Variants in COL18A1 observed in about 807,000 individuals in gnomAD.
COL18A1 encodes collagen type XVIII alpha 1 chain, also known as collagen alpha-1(XVIII) chain.
In COL18A1, 133 loss-of-function variants were observed where a neutral mutation model predicts 168.0. That is an observed-to-expected ratio of 0.79 (90% CI 0.69 to 0.91). The LOEUF is 0.91. Among genes scored for constraint, COL18A1 ranks in the 40% least tolerant of loss-of-function variants. The pLI, the probability that COL18A1 is intolerant of heterozygous loss-of-function variation, is 0.00. For missense variants in COL18A1, 2,126 were observed against 1,925.4 expected (o/e 1.10, Z -1.95); for synonymous variants, 949 against 809.0 (o/e 1.17, Z -2.94).
rs760707447 is a variant in COL18A1, at chr21:45,496,548, A to AC, written c.2558dup (p.Pro854SerfsTer10). 11 of 1,513,770 alleles carry AC rather than the reference A, an allele frequency of 7.3e-6. No homozygotes were observed. The highest frequency in any genetic ancestry group is 8.3e-6 in the Non-Finnish European group (9 of 1,089,726). The allele number at this position is 1,513,770 out of a possible 1,614,324, so 93.8% of individuals were successfully genotyped here. A position where few individuals can be genotyped will look rare whatever the true frequency, so the allele number is the denominator to read the frequency against. ...TCCAGGGCCCCCAGGCCCTCCAGGGACTCCTGTTTACGACAGCAATGTAAG... is the reference window on the plus strand; with the variant it reads ...TCCAGGGCCCCCAGGCCCTCCAGGGACCTCCTGTTTACGACAGCAATGTAAG... On this transcript the variant is annotated frameshift_variant, in exon 30 of 42. Coordinates refer to ENST00000651438, the MANE Select transcript of COL18A1 (RefSeq NM_001379500.1). LOFTEE classifies it high-confidence loss of function.
At position 45,509,317 on chromosome 21, in the gene COL18A1, G is replaced by A. The variant is rs1370240650; in HGVS notation, c.3250-39G>A. 22 of 1,537,312 alleles carry A rather than the reference G, an allele frequency of 1.4e-5. No individual in the cohort carries two copies. The Admixed American group carries it at 3.7e-4, about 26-fold the overall frequency. ...ACAGATGGAGGAGGGGCACCCGGAG[G>A]GTCCCCCCGCCGACAGGCCCCACGT... is the stretch of plus-strand genomic sequence containing the variant. On this transcript the variant is annotated intron_variant, in intron 38 of 41. Transcript: ENST00000651438.
chr21:45,438,131 C>A (rs1337635441), intron 2 of COL18A1, among the ~76,000 whole-genome samples: 1 of 74,122 alleles, frequency 1.3e-5, no homozygotes, highest in Non-Finnish European at 2.7e-5. Context: ...CACTCTCCTG[C>A]ACACACACAC....
chr21:45,512,873 G>A lies in COL18A1; in HGVS notation c.*475G>A, dbSNP rs1568959062. ...GGCCACACTCAGCACAAGGCCATCT[G>A]GGCTCCTCCAGGGTGTGTGCTCGCC... On this transcript the variant is annotated 3_prime_UTR_variant, in exon 42 of 42. Coordinates refer to ENST00000651438, the MANE Select transcript of COL18A1 (RefSeq NM_001379500.1). 8.0e-6 allele frequency: 2 copies of A among 248,478 alleles called. No homozygotes were observed. Among genetic ancestry groups the A allele is most frequent in the East Asian group, 1.1e-4 (1 of 9,164 alleles). 15.4% of individuals were successfully genotyped at this position (248,478 alleles called of 1,614,324 possible).
intron 37 of COL18A1, chr21:45,507,001 C>T (rs1231090005): frequency 3.4e-6 from 1 of 289,928 alleles, no homozygotes; most frequent in Non-Finnish European, 6.9e-6. Flanking sequence ...CCCATCCTAA[C>T]TTTCAGGGGC....
In COL18A1 at chr21:45,489,455, A is replaced by G. The variant is rs538026053; in HGVS notation, c.1924-31A>G. 187 of 1,562,516 alleles carry G rather than the reference A, an allele frequency of 1.2e-4. No homozygotes were observed. In the South Asian group the frequency reaches 2.0e-3, roughly 17 times the overall value. Reference sequence around the variant, plus strand: ...GCCTGAGGACTGGGCTGGCCCCAGCAGGTGCTCACGGAGCCCCTTTTTTCA... The same window carrying G: ...GCCTGAGGACTGGGCTGGCCCCAGCGGGTGCTCACGGAGCCCCTTTTTTCA... On this transcript the variant is annotated intron_variant, in intron 18 of 41. Coordinates refer to ENST00000651438, the MANE Select transcript of COL18A1 (RefSeq NM_001379500.1).
chr21:45,405,381 G>T lies in COL18A1; in HGVS notation c.14G>T (p.Cys5Phe), dbSNP rs1238242720. Reference protein sequence around the residue: MAPRCPWPWPRRRRL... With the variant: MAPRFPWPWPRRRRL... ...TGACCCGTGCCTGTCCCGCGCAGGT[G>T]CCCCTGGCCATGGCCGCGGCGGCGG... Residue 5 changes from cysteine (C) to phenylalanine (F), a missense_variant and splice_region_variant, in exon 2 of 42, where the codon TGC becomes TTC. Cys to Phe is a radical substitution (Grantham distance 205). Coordinates refer to ENST00000651438, the MANE Select transcript of COL18A1 (RefSeq NM_001379500.1). The T allele has an allele frequency of 7.0e-6, 9 of 1,293,726 alleles. No individual in the cohort carries two copies. Among genetic ancestry groups the T allele is most frequent in the Non-Finnish European group, 8.8e-6 (9 of 1,018,732 alleles). 80.1% of individuals were successfully genotyped at this position (1,293,726 alleles called of 1,614,324 possible).
chr21:45,429,492 G>A (rs527291585), intron 2 of COL18A1, among the ~76,000 whole-genome samples: 1 of 152,324 alleles, frequency 6.6e-6, no homozygotes, highest in Admixed American at 6.5e-5. Flanking sequence ...GTCACCCACT[G>A]TGCACCCAGC....
chr21:45,496,146 C>G, intron 29 of COL18A1: 1 of 413,626 alleles, frequency 2.4e-6, no homozygotes, highest in Non-Finnish European at 4.6e-6. Context: ...TTCTCCCGCT[C>G]AGCCCAAAGG....
intron 13 of COL18A1, 128 bp downstream of exon 13, chr21:45,480,986 T>C: frequency 7.3e-7 from 1 of 1,362,408 alleles, no homozygotes; most frequent in Non-Finnish European, 1.0e-6. Flanking sequence ...TCATCTCCTC[T>C]AGGAGCTGGC....
intron 2 of COL18A1, among the ~76,000 whole-genome samples, chr21:45,436,507 C>T (rs1164661597): frequency 1.3e-5 from 2 of 152,072 alleles, no homozygotes; most frequent in Non-Finnish European, 2.9e-5. Flanking sequence ...AGAGGGCTTT[C>T]GGTTCGGCAA....
At position 45,453,554 on chromosome 21, in the gene COL18A1, T is replaced by C. The variant is rs534121333; in HGVS notation, c.107-14688T>C. On this transcript the variant is annotated intron_variant, in intron 2 of 41. Coordinates refer to ENST00000651438, the MANE Select transcript of COL18A1 (RefSeq NM_001379500.1). ...AGCCGTGGCAGAGCCGCACTAGGAT[T>C]TCCAGGAGGTTAAACGTGCGATGCT... is the stretch of plus-strand genomic sequence containing the variant. Among the ~76,000 whole-genome samples the C allele has an allele frequency of 1.4e-3, 220 of 152,292 alleles. 9 individuals carry two copies. The South Asian group carries it at 0.044, about 31-fold the overall frequency.
intron 41 of COL18A1, 150 bp from the exon 42 acceptor site, chr21:45,512,038 G>A (rs1177466227): frequency 3.7e-6 from 3 of 811,080 alleles, no homozygotes; most frequent in African/African-American, 1.7e-5. Context: ...CAGCAGGGAG[G>A]CCATGTGGCC....
intron 9 of COL18A1, among the ~76,000 whole-genome samples, chr21:45,478,743 G>A (rs1005654962): frequency 1.3e-5 from 2 of 152,108 alleles, no homozygotes; most frequent in East Asian, 1.9e-4. Context: ...CGCAAAACAC[G>A]CAGTTCAGTC....
intron 37 of COL18A1, 74 bp from the exon 38 acceptor site, chr21:45,507,487 G>A (rs1446786909): frequency 8.3e-5 from 38 of 458,314 alleles, no homozygotes; most frequent in South Asian, 1.9e-4. Flanking sequence ...CGGGAGAGTC[G>A]GGTGCTGGGC....
chr21:45,480,011 G>T (rs1165226149), intron 10 of COL18A1, 47 bp downstream of exon 10: 2 of 1,613,526 alleles, frequency 1.2e-6, no homozygotes, highest in Admixed American at 3.3e-5. Context: ...TTGGCCCTTG[G>T]CTCAAGGTGG....
At chr21:45,504,394 T>A in intron 33 of COL18A1, 22 bp from the exon 34 acceptor site, 1 of 1,608,666 alleles carries the variant, frequency 6.2e-7, no homozygotes, top group Non-Finnish European at 8.5e-7. Flanking sequence ...GGCTCCCGTG[T>A]AACAAGTGTT....
In COL18A1 at chr21:45,423,228, T is replaced by C. The variant is rs888424676; in HGVS notation, c.106+17755T>C. Among the ~76,000 whole-genome samples the C allele has an allele frequency of 1.3e-5, 2 of 152,170 alleles. No homozygotes were observed. Among genetic ancestry groups the C allele is most frequent in the Admixed American group, 6.5e-5 (1 of 15,286 alleles). ...GTTGGAAACCATGGCTTATGTTCCA[T>C]GGTGACATGGTTCTTGAGGGTTAGC... On this transcript the variant is annotated intron_variant, in intron 2 of 41. Transcript: ENST00000651438. The surrounding 1 kb of genome is among the most constrained non-coding windows in gnomAD (Gnocchi z 4.0).
chr21:45,411,302 ATTGG>A (rs1380442257), intron 2 of COL18A1, among the ~76,000 whole-genome samples: 1 of 152,062 alleles, frequency 6.6e-6, no homozygotes, highest in East Asian at 1.9e-4. Context: ...GGCCAGCAGG[ATTGG>A]GGGCTGGCAT....
Position 45,507,546 on chromosome 21 carries a change from G to A in COL18A1, c.3217-15G>A. On this transcript the variant is annotated splice_polypyrimidine_tract_variant and intron_variant, in intron 37 of 41. Coordinates refer to ENST00000651438, the MANE Select transcript of COL18A1 (RefSeq NM_001379500.1). The stretch of plus-strand genomic sequence containing the variant: ...CCAGCCGCAGGTCCTGGGTGACCCT[G>A]CTGCTTTCTTCCAGCTGGAGGCCCG... The A allele has an allele frequency of 6.2e-7, 1 of 1,612,422 alleles. No homozygotes were observed. The highest frequency in any genetic ancestry group is 8.5e-7 in the Non-Finnish European group (1 of 1,179,734).
Sources: gnomAD v4.1 joint callset for allele counts (sites outside exome capture counted in the v4.1 genomes callset) on GRCh38, gnomAD v4.1.1 for gene constraint, Gnocchi (gnomAD v3.1) non-coding constraint, MANE v1.5 for transcripts, NCBI Gene and HGNC (gene_info 2026-07-23, HGNC 2026-07-21) for gene names.